The following PHF8 variants were observed in gnomAD, a reference collection of about 807,000 sequenced individuals.
The protein encoded by PHF8 is histone lysine demethylase PHF8.
Under a neutral mutation model 74.4 loss-of-function variants are expected in PHF8, and 9 were observed. That is an observed-to-expected ratio of 0.12 (90% confidence interval 0.07 to 0.21). The LOEUF (loss-of-function observed/expected upper bound fraction) is 0.21. Among genes scored for constraint, PHF8 ranks in the 10% least tolerant of loss-of-function variants. The pLI, the probability that PHF8 is intolerant of heterozygous loss-of-function variation, is 1.00. For missense variants in PHF8, 478 were observed against 816.6 expected (o/e 0.59, Z 5.05); for synonymous variants, 311 against 316.6 (o/e 0.98, Z 0.19).
chrX:53,957,516 T>C (rs2065032889), intron 19 of PHF8, among the ~76,000 whole-genome samples: 1 of 109,777 alleles, frequency 9.1e-6, no homozygotes, highest in African/African-American at 3.3e-5. Flanking sequence ...CCGAGACTGT[T>C]TCAAAATAAA....
chrX:54,027,598 A>G (rs984749733), intron 2 of PHF8, among the ~76,000 whole-genome samples: 2 of 111,313 alleles, frequency 1.8e-5, no homozygotes, highest in African/African-American at 6.5e-5. Flanking sequence ...GATATATGCA[A>G]TAAGTACTTC....
chrX:53,938,930 C>A lies in PHF8; in HGVS notation c.*228G>T. On this transcript the variant is annotated 3_prime_UTR_variant, in exon 22 of 22. Transcript: ENST00000338154. ...GTTCTAGTCAGCTGGAAACCTCTCCCATTTACCTGCTCCTCAGTGGAGAAG... is the reference window on the plus strand; with the variant it reads ...GTTCTAGTCAGCTGGAAACCTCTCCAATTTACCTGCTCCTCAGTGGAGAAG... 2 of 978,936 alleles carry A rather than the reference C, an allele frequency of 2.0e-6. No individual in the cohort carries two copies. Among genetic ancestry groups the A allele is most frequent in the Non-Finnish European group, 2.6e-6 (2 of 779,239 alleles). The allele number at this position is 978,936 out of a possible 1,213,427, so 80.7% of individuals were successfully genotyped here. A position where few individuals can be genotyped will look rare whatever the true frequency, so the allele number is the denominator to read the frequency against.
chrX:53,958,662 G>A (rs1557089628), intron 19 of PHF8, among the ~76,000 whole-genome samples: 1 of 104,688 alleles, frequency 9.6e-6, no homozygotes, highest in Non-Finnish European at 1.9e-5. Context: ...TGTAGTCCCA[G>A]CTACTCGGGA....
At chrX:53,966,162 A>T (rs1475305740) in intron 18 of PHF8, among the ~76,000 whole-genome samples, 1 of 112,262 alleles carries the variant, frequency 8.9e-6, no homozygotes, top group Non-Finnish European at 1.9e-5. Context: ...TCCCACAGGA[A>T]AACAGAAAAT....
chrX:53,953,711 T>C (rs782761343), intron 19 of PHF8, among the ~76,000 whole-genome samples: 1 of 106,598 alleles, frequency 9.4e-6, no homozygotes, highest in Non-Finnish European at 1.9e-5. Flanking sequence ...CAGTAACTAA[T>C]GGAGGAATTG....
At position 53,945,418 on chromosome X, in the gene PHF8, G is replaced by A. The variant is rs1191526421; in HGVS notation, c.2540-1175C>T. 2.7e-5 allele frequency among the ~76,000 whole-genome samples: 3 copies of A among 109,415 alleles called. No individual in the cohort carries two copies. In the Admixed American group the frequency reaches 2.9e-4, roughly 11 times the overall value. On this transcript the variant is annotated intron_variant, in intron 19 of 21. Transcript: ENST00000338154. ...CCAGCTGCTCAGGAGGCTGAGGCATGAGAATTGCTTGAACCTGGGAGGCAG... is the reference window on the plus strand; with the variant it reads ...CCAGCTGCTCAGGAGGCTGAGGCATAAGAATTGCTTGAACCTGGGAGGCAG...
At chrX:54,004,784 C>T (rs2065872823) in intron 8 of PHF8, among the ~76,000 whole-genome samples, 1 of 109,178 alleles carries the variant, frequency 9.2e-6, no homozygotes, top group Admixed American at 1.0e-4. Context: ...TAAAAATTAG[C>T]CGGGCATGGT....
At chrX:54,020,605 C>A (rs2066154269) in intron 4 of PHF8, among the ~76,000 whole-genome samples, 1 of 111,354 alleles carries the variant, frequency 9.0e-6, no homozygotes, top group Non-Finnish European at 1.9e-5. Flanking sequence ...ATGCAAAAAC[C>A]ATTTCTGAAA....
At chrX:53,978,873 T>C (rs1903194697) in intron 18 of PHF8, among the ~76,000 whole-genome samples, 1 of 109,098 alleles carries the variant, frequency 9.2e-6, no homozygotes, top group African/African-American at 3.3e-5. Context: ...CATAATTCCA[T>C]TTATATGACA....
intron 20 of PHF8, among the ~76,000 whole-genome samples, chrX:53,942,155 A>G (rs1465876343): frequency 1.8e-5 from 2 of 112,071 alleles, no homozygotes; most frequent in Non-Finnish European, 3.8e-5. Context: ...AAAAGCTGTT[A>G]GCAGATCCCC....
At chrX:53,947,278 T>C (rs1017815644) in intron 19 of PHF8, among the ~76,000 whole-genome samples, 8 of 111,791 alleles carry the variant, frequency 7.2e-5, no homozygotes, top group South Asian at 3.8e-4. Flanking sequence ...TCCAAAACCA[T>C]AGGCATGAGC....
Position 53,940,233 on chromosome X carries a change from A to G in PHF8, c.2933T>C (p.Phe978Ser). ...RSTTPMAPGV[F>S]LTQRRPSVGS... ...AACTGAAGGGCGCCGCTGGGTCAAG[A>G]AGACACCGGGGGCCATAGGTGTGGT... Residue 978 changes from phenylalanine to serine, a missense_variant, in exon 21 of 22, where the codon TTC (phenylalanine) becomes TCC (serine). Phe to Ser is a radical substitution (Grantham distance 155, BLOSUM62 -2). This residue lies in a region of PHF8 where 75 missense variants were observed against 93.3 expected (regional missense o/e 0.80). Coordinates refer to ENST00000338154, the MANE Select transcript of PHF8 (RefSeq NM_015107.3). 1 of 1,194,269 alleles carries G rather than the reference A, an allele frequency of 8.4e-7. No individual in the cohort carries two copies. Among genetic ancestry groups the G allele is most frequent in the Non-Finnish European group, 1.1e-6 (1 of 886,383 alleles).
Position 54,014,401 on chromosome X carries a change from G to A in PHF8, c.759C>T (p.Thr253=), listed in dbSNP as rs1408365525. The change falls in exon 7 of 22, where the codon ACC becomes ACT. Residue 253 remains threonine (T), a synonymous_variant. Transcript: ENST00000338154. ...CCTTGAGTACATGGTACCAGACAGA[G>A]GTGCCACCAAAGTCAATGTGAAAGT... ...YTDFHIDFGG[T]SVWYHVLKGE... The A allele has an allele frequency of 8.3e-7, 1 of 1,207,422 alleles. No homozygotes were observed. Among genetic ancestry groups the A allele is most frequent in the East Asian group, 3.0e-5 (1 of 33,772 alleles).
rs2065590634 is a variant in PHF8 at position 53,987,807 on chromosome X, T to C, written c.1868A>G (p.Glu623Gly). Reference protein sequence around the residue: ...LDSDDELQIDERLGKEKATLI... With the variant: ...LDSDDELQIDGRLGKEKATLI... ...GGTCGCCTTCTCCTTTCCCAATCTC[T>C]CGTCAATCTGCAGCTCATCATCTGA... The change falls in exon 15 of 22, where the codon GAG (glutamate) becomes GGG (glycine). Residue 623 changes from glutamate (E) to glycine (G), a missense_variant. Physicochemically the swap from Glu to Gly is moderately conservative, Grantham distance 98 (BLOSUM62 -2). This residue lies in a region of PHF8 where 153 missense variants were observed against 164.8 expected (regional missense o/e 0.93). Transcript: ENST00000338154. 8 of 1,206,560 alleles carry C rather than the reference T, an allele frequency of 6.6e-6. No individual in the cohort carries two copies. The highest frequency in any genetic ancestry group is 9.0e-6 in the Non-Finnish European group (8 of 893,024).
intron 19 of PHF8, among the ~76,000 whole-genome samples, chrX:53,956,203 T>C (rs2065010784): frequency 9.0e-6 from 1 of 111,566 alleles, no homozygotes; most frequent in Non-Finnish European, 1.9e-5. Flanking sequence ...TGAGCAGAGA[T>C]CATGCTACTA....
At chrX:53,957,766 A>G (rs1557089219) in intron 19 of PHF8, among the ~76,000 whole-genome samples, 1 of 111,597 alleles carries the variant, frequency 9.0e-6, no homozygotes, top group East Asian at 2.8e-4. Context: ...GGGAGAGGGA[A>G]TGCTCAGCAC....
At chrX:53,987,969 C>A (rs376200891) in intron 14 of PHF8, 25 bp from the exon 15 acceptor site, 921 of 1,106,422 alleles carry the variant, frequency 8.3e-4, no homozygotes, top group Non-Finnish European at 1.1e-3. Flanking sequence ...AACATAAAAA[C>A]AGTCACTAGC....
intron 18 of PHF8, among the ~76,000 whole-genome samples, chrX:53,964,875 A>G (rs1349025237): frequency 9.2e-6 from 1 of 108,815 alleles, no homozygotes; most frequent in Non-Finnish European, 1.9e-5. Context: ...CCTCAAAAAA[A>G]AAAAAAAAAA....
upstream of PHF8, among the ~76,000 whole-genome samples, chrX:54,046,311 G>A (rs2066633723): frequency 9.0e-6 from 1 of 110,964 alleles, no homozygotes; most frequent in African/African-American, 3.3e-5. Context: ...ATAGCCGGGC[G>A]CGGTGGCTCA....
Sources: allele counts gnomAD v4.1 joint callset (sites outside exome capture counted in the v4.1 genomes callset), GRCh38; gene constraint gnomAD v4.1.1; regional missense constraint gnomAD v4.1.1; transcripts MANE v1.5; gene names NCBI Gene and HGNC (gene_info 2026-07-23, HGNC 2026-07-21).